Variants in C3orf70 observed in about 807,000 individuals in gnomAD.
C3orf70 encodes the protein chromosome 3 open reading frame 70.
A neutral mutation model predicts 20.7 loss-of-function variants in C3orf70; 15 were observed. That is an observed-to-expected ratio of 0.72 (90% CI 0.48 to 1.11). The LOEUF is 1.11. Among genes scored for constraint, C3orf70 ranks in the 50% most tolerant of loss-of-function variants. The pLI is 0.00. For synonymous variants in C3orf70, 161 were observed against 125.7 expected (o/e 1.28, Z -1.88); for missense variants, 332 against 317.6 (o/e 1.05, Z -0.34).
At chr3:185,110,556 C>CCCA (rs780625752) in intron 1 of C3orf70, among the ~76,000 whole-genome samples, 2,324 of 151,898 alleles carry the variant, frequency 0.015, 64 homozygotes, top group African/African-American at 0.053. Context: ...GGCCCCCCCT[C>CCCA]AAAATCTGGC....
chr3:185,107,347 G>C (rs1056037969), intron 1 of C3orf70, among the ~76,000 whole-genome samples: 2 of 152,140 alleles, frequency 1.3e-5, no homozygotes, highest in African/African-American at 4.8e-5. Context: ...TTACAACAAT[G>C]GGGAGCACAA....
chr3:185,083,211 A>C lies in C3orf70; in HGVS notation c.549T>G (p.Ser183=), dbSNP rs1204629258. Residue 183 remains serine, a synonymous_variant, in exon 2 of 2, where the codon TCT becomes TCG. Transcript: ENST00000335012. ...TCCCAGAGTCCTCAGAACTTGAGGGAGAAGAGCAGTGATCTATTTTTGGTG... is the reference window on the plus strand; with the variant it reads ...TCCCAGAGTCCTCAGAACTTGAGGGCGAAGAGCAGTGATCTATTTTTGGTG... ...SNTPKIDHCS[S]PSSSEDSGIN... 6.2e-7 allele frequency: 1 copy of C among 1,614,158 alleles called. No homozygotes were observed. Among genetic ancestry groups the C allele is most frequent in the East Asian group, 2.2e-5 (1 of 44,880 alleles).
In C3orf70 at chr3:185,110,403, G is replaced by A. The variant is rs574155396; in HGVS notation, c.197-26840C>T. ...TTGGAAGCTCTGTGATTTCAATGAC[G>A]ATTGTGCTTTTAATCTGTGTTGTTT... On this transcript the variant is annotated intron_variant, in intron 1 of 1. Coordinates refer to ENST00000335012, the MANE Select transcript of C3orf70 (RefSeq NM_001025266.3). 6.0e-4 allele frequency among the ~76,000 whole-genome samples: 92 copies of A among 152,340 alleles called. 1 individual carries two copies. Among genetic ancestry groups the A allele is most frequent in the African/African-American group, 2.0e-3 (85 of 41,568 alleles).
intron 1 of C3orf70, among the ~76,000 whole-genome samples, chr3:185,101,662 A>G (rs1342260159): frequency 6.6e-6 from 1 of 152,152 alleles, no homozygotes; most frequent in Non-Finnish European, 1.5e-5. Flanking sequence ...AGGAGGTGCT[A>G]TACACCTTCA....
At chr3:185,134,761 G>T (rs1263885887) in intron 1 of C3orf70, among the ~76,000 whole-genome samples, 1 of 152,146 alleles carries the variant, frequency 6.6e-6, no homozygotes, top group Non-Finnish European at 1.5e-5. Context: ...CCCTTGAAAG[G>T]CTCTAAAAAG....
At chr3:185,133,530 G>A (rs1019173917) in intron 1 of C3orf70, among the ~76,000 whole-genome samples, 13 of 152,084 alleles carry the variant, frequency 8.5e-5, no homozygotes, top group Admixed American at 2.6e-4. Context: ...ATCACCTGAG[G>A]TCAGGAGTTT....
chr3:185,141,287 G>C (rs564436948), intron 1 of C3orf70, among the ~76,000 whole-genome samples: 1 of 152,008 alleles, frequency 6.6e-6, no homozygotes, highest in African/African-American at 2.4e-5. Context: ...AAAGAGGCTA[G>C]GCCAGTCATA....
intron 1 of C3orf70, among the ~76,000 whole-genome samples, chr3:185,107,347 G>T (rs1056037969): frequency 6.6e-6 from 1 of 152,140 alleles, no homozygotes; most frequent in Non-Finnish European, 1.5e-5. Flanking sequence ...TTACAACAAT[G>T]GGGAGCACAA....
At chr3:185,109,437 G>T (rs1577324925) in intron 1 of C3orf70, among the ~76,000 whole-genome samples, 1 of 152,146 alleles carries the variant, frequency 6.6e-6, no homozygotes, top group Admixed American at 6.6e-5. Context: ...GATTCTGGGA[G>T]GATCCCAAGG....
At chr3:185,129,697 T>TCTACGTGGACTCATGCAG in intron 1 of C3orf70, among the ~76,000 whole-genome samples, 1 of 152,344 alleles carries the variant, frequency 6.6e-6, no homozygotes, top group African/African-American at 2.4e-5. Flanking sequence ...AGCATTCCCT[T>TCTACGTGGACTCATGCAG]TTCTCTGCAG....
chr3:185,143,879 T>C (rs531738450), intron 1 of C3orf70, among the ~76,000 whole-genome samples: 115 of 152,256 alleles, frequency 7.6e-4, no homozygotes, highest in Middle Eastern at 3.4e-3. Context: ...CTCTATTATT[T>C]GGTATATTTG....
At chr3:185,138,472 C>A (rs181631408) in intron 1 of C3orf70, among the ~76,000 whole-genome samples, 1 of 151,374 alleles carries the variant, frequency 6.6e-6, no homozygotes, top group Admixed American at 6.6e-5. Flanking sequence ...ATAAGCAACA[C>A]CTGTCATAAA....
In C3orf70 at chr3:185,078,938, C is replaced by G. The variant is rs192962639; in HGVS notation, c.*4069G>C. ...AATTAGCATAAAAGGGGTTTGTTATCGGTCCCAAAATACTTGTGATGGTTC... is the reference window on the plus strand; with the variant it reads ...AATTAGCATAAAAGGGGTTTGTTATGGGTCCCAAAATACTTGTGATGGTTC... On this transcript the variant is annotated 3_prime_UTR_variant, in exon 2 of 2. Transcript: ENST00000335012. The G allele has an allele frequency of 6.6e-6, 1 of 152,094 alleles. No homozygotes were observed. The highest frequency in any genetic ancestry group is 1.5e-5 in the Non-Finnish European group (1 of 68,022). The allele number at this position is 152,094 out of a possible 1,614,324, so 9.4% of individuals were successfully genotyped here.
At position 185,077,640 on chromosome 3, in the gene C3orf70, C is replaced by G. The variant is rs1715223547; in HGVS notation, c.*5367G>C. Among the ~76,000 whole-genome samples the G allele has an allele frequency of 6.6e-6, 1 of 152,078 alleles. No homozygotes were observed. Among genetic ancestry groups the G allele is most frequent in the South Asian group, 2.1e-4 (1 of 4,824 alleles). On this transcript the variant is annotated 3_prime_UTR_variant, in exon 2 of 2. Coordinates refer to ENST00000335012, the MANE Select transcript of C3orf70 (RefSeq NM_001025266.3). ...GGCCTGGCCCCTGAGTCTTGGTGAC[C>G]AAGCGACCCCCCCAAGCTCTGCCGG...
chr3:185,103,922 A>C (rs1715872555), intron 1 of C3orf70, among the ~76,000 whole-genome samples: 1 of 152,086 alleles, frequency 6.6e-6, no homozygotes, highest in Admixed American at 6.5e-5. Context: ...GAGGAGGGGG[A>C]CTTACCTAAA....
chr3:185,086,585 A>G (rs535125204), intron 1 of C3orf70, among the ~76,000 whole-genome samples: 1 of 152,308 alleles, frequency 6.6e-6, no homozygotes, highest in East Asian at 1.9e-4. Flanking sequence ...CTCAGCTTCT[A>G]GACTGTGAGA....
chr3:185,143,639 G>A (rs1716801324), intron 1 of C3orf70, among the ~76,000 whole-genome samples: 1 of 152,100 alleles, frequency 6.6e-6, no homozygotes, highest in Non-Finnish European at 1.5e-5. Flanking sequence ...AAAATCCTGT[G>A]AATTTGAGTA....
At chr3:185,147,639 G>A (rs918006029) in intron 1 of C3orf70, among the ~76,000 whole-genome samples, 1 of 152,198 alleles carries the variant, frequency 6.6e-6, no homozygotes, top group Non-Finnish European at 1.5e-5. Flanking sequence ...CCTCAACTGT[G>A]AAATGGACAT....
intron 1 of C3orf70, among the ~76,000 whole-genome samples, chr3:185,086,937 T>C (rs1342996302): frequency 1.3e-5 from 2 of 152,232 alleles, no homozygotes; most frequent in African/African-American, 4.8e-5. Context: ...TATAGTTTTA[T>C]AGGGCTGTGA....
Sources: allele counts gnomAD v4.1 joint callset (sites outside exome capture counted in the v4.1 genomes callset), GRCh38; gene constraint gnomAD v4.1.1; transcripts MANE v1.5; gene names NCBI Gene and HGNC (gene_info 2026-07-23, HGNC 2026-07-21).